Variants in KIT observed in about 807,000 individuals in gnomAD.
The protein encoded by KIT is mast/stem cell growth factor receptor Kit.
In KIT, 16 loss-of-function variants were observed where a neutral mutation model predicts 105.7. That is an observed-to-expected ratio of 0.15 (90% CI 0.10 to 0.23). The LOEUF is 0.23. Among genes scored for constraint, KIT ranks in the 10% least tolerant of loss-of-function variants. The probability of loss-of-function intolerance (pLI) is 1.00; values close to 1 mark genes in which losing one functional copy is unlikely to be tolerated. For synonymous variants in KIT, 438 were observed against 441.1 expected, an observed-to-expected ratio of 0.99 and a Z score of 0.09; for missense variants, 858 against 1,213.8, an observed-to-expected ratio of 0.71 and a Z score of 4.36.
rs780434119 is a variant in KIT, at chr4:54,698,519, G to C, written c.573G>C (p.Glu191Asp). ...RLCLHCSVDQ[E>D]GKSVLSEKFI... ...GTCTGCATTGTTCTGTGGACCAGGAGGGCAAGTCAGTGCTGTCGGAAAAAT... is the reference window on the plus strand; with the variant it reads ...GTCTGCATTGTTCTGTGGACCAGGACGGCAAGTCAGTGCTGTCGGAAAAAT... Residue 191 changes from glutamate to aspartate, a missense_variant, in exon 3 of 21, where the codon GAG (glutamate) becomes GAC (aspartate). By Grantham distance (45) the Glu-to-Asp change is conservative (BLOSUM62 2). This residue lies in a region of KIT where 401 missense variants were observed against 601.0 expected (regional missense o/e 0.67). Transcript: ENST00000288135. 3 of 1,614,188 alleles carry C rather than the reference G, an allele frequency of 1.9e-6. No individual in the cohort carries two copies. The South Asian group carries it at 3.3e-5, about 18-fold the overall frequency.
Position 54,723,601 on chromosome 4 carries a change from A to T in KIT, c.1249A>T (p.Thr417Ser), listed in dbSNP as rs2109760447. ...TCCTGTAGCAAAACCAGAAATCCTG[A>T]CTTACGACAGGCTCGTGAATGGCAT... ...VYVNTKPEILTYDRLVNGMLQ... is the reference protein window; with the variant it reads ...VYVNTKPEILSYDRLVNGMLQ... The change falls in exon 8 of 21, where the codon ACT becomes TCT. Residue 417 changes from threonine to serine, a missense_variant. Thr to Ser is a moderately conservative substitution (Grantham distance 58). This residue lies in a region of KIT where 401 missense variants were observed against 601.0 expected (regional missense o/e 0.67). Coordinates refer to ENST00000288135, the MANE Select transcript of KIT (RefSeq NM_000222.3). 4 of 1,613,820 alleles carry T rather than the reference A, an allele frequency of 2.5e-6. No individual in the cohort carries two copies. The highest frequency in any genetic ancestry group is 3.4e-6 in the Non-Finnish European group (4 of 1,179,714).
rs1229732670 is a variant in KIT at position 54,740,688 on chromosome 4, T to G, written c.*2131T>G. ...CCAATTGTTGACAGTTCTGAAGAAT[T>G]CTAATAAAATGTACATATATAAATC... On this transcript the variant is annotated 3_prime_UTR_variant, in exon 21 of 21. Transcript: ENST00000288135. 3 of 231,052 alleles carry G rather than the reference T, an allele frequency of 1.3e-5. No homozygotes were observed. Among genetic ancestry groups the G allele is most frequent in the Non-Finnish European group, 1.7e-5 (2 of 116,536 alleles). 14.3% of individuals were successfully genotyped at this position (231,052 alleles called of 1,614,324 possible).
chr4:54,725,869 T>G lies in KIT; in HGVS notation c.1359T>G (p.Ser453=), dbSNP rs769828541. Residue 453 remains serine, a synonymous_variant, in exon 9 of 21, where the codon TCT becomes TCG. Transcript: ENST00000288135. ...TTCTTCCCTTTAGATGCTCTGCTTC[T>G]GTACTGCCAGTGGATGTGCAGACAC... ...CPGTEQRCSA[S]VLPVDVQTLN... The G allele has an allele frequency of 9.9e-6, 16 of 1,614,060 alleles. No homozygotes were observed. The Admixed American group carries it at 2.7e-4, about 27-fold the overall frequency.
At chr4:54,713,462 A>G (rs1721282874) in intron 7 of KIT, among the ~76,000 whole-genome samples, 1 of 152,184 alleles carries the variant, frequency 6.6e-6, no homozygotes, top group South Asian at 2.1e-4. Flanking sequence ...ATGTAGGTGT[A>G]CTGTATGGTT....
Position 54,727,817 on chromosome 4 carries a change from C to T in KIT, c.1775-6C>T, listed in dbSNP as rs2109779177. 6.2e-7 allele frequency: 1 copy of T among 1,611,076 alleles called. No individual in the cohort carries two copies. Among genetic ancestry groups the T allele is most frequent in the African/African-American group, 1.3e-5 (1 of 74,964 alleles). ...ACCACTTACCTTGTTGTCTTCCTTC[C>T]TACAGGGAAAACCCTGGGTGCTGGA... On this transcript the variant is annotated splice_region_variant and splice_polypyrimidine_tract_variant and intron_variant, in intron 11 of 20. Transcript: ENST00000288135.
intron 1 of KIT, among the ~76,000 whole-genome samples, chr4:54,672,070 A>G (rs141578971): frequency 1.3e-4 from 20 of 152,294 alleles, no homozygotes; most frequent in African/African-American, 4.1e-4. Context: ...ATACATAAAA[A>G]TATAAACAAA....
chr4:54,695,969 G>A, intron 2 of KIT, 188 bp downstream of exon 2: 1 of 665,444 alleles, frequency 1.5e-6, no homozygotes, highest in Non-Finnish European at 2.6e-6. Flanking sequence ...TTTGGGTATG[G>A]CCCCAGCTGG....
intron 1 of KIT, among the ~76,000 whole-genome samples, chr4:54,672,227 A>C (rs1718162693): frequency 6.6e-6 from 1 of 151,972 alleles, no homozygotes; most frequent in African/African-American, 2.4e-5. Context: ...TTCTGATTGC[A>C]TTCCTTGGTC....
intron 14 of KIT, 67 bp from the exon 15 acceptor site, chr4:54,731,261 C>T: frequency 2.9e-6 from 3 of 1,032,896 alleles, no homozygotes; most frequent in Non-Finnish European, 4.6e-6. Context: ...GGAGGTAGAG[C>T]ATGACCCATG....
At chr4:54,726,491 A>G (rs1037569715) in intron 9 of KIT, among the ~76,000 whole-genome samples, 6 of 152,236 alleles carry the variant, frequency 3.9e-5, no homozygotes, top group Admixed American at 3.9e-4. Flanking sequence ...CATGTTAGCA[A>G]GTTATTTCTT....
intron 1 of KIT, among the ~76,000 whole-genome samples, chr4:54,668,636 G>T (rs927838943): frequency 3.9e-5 from 6 of 152,212 alleles, no homozygotes; most frequent in African/African-American, 1.4e-4. Context: ...TATTGGAAAA[G>T]AAGTATTTCT....
intron 1 of KIT, among the ~76,000 whole-genome samples, chr4:54,670,454 A>T (rs1214176915): frequency 1.3e-5 from 2 of 152,298 alleles, no homozygotes; most frequent in East Asian, 3.9e-4. Flanking sequence ...AAGTCCTGTG[A>T]AATTGGGGGA....
rs2109820757 is a variant in KIT, at chr4:54,738,752, T to G, written c.*195T>G. The G allele has an allele frequency of 4.4e-6, 3 of 686,266 alleles. No individual in the cohort carries two copies. The South Asian group carries it at 5.0e-5, about 11-fold the overall frequency. The allele number at this position is 686,266 out of a possible 1,614,324, so 42.5% of individuals were successfully genotyped here. ...ACCATCCTATTGCAAAGGTTCCAACTGTATATATTCCCAATAGCAACGTAG... is the reference window on the plus strand; with the variant it reads ...ACCATCCTATTGCAAAGGTTCCAACGGTATATATTCCCAATAGCAACGTAG... On this transcript the variant is annotated 3_prime_UTR_variant, in exon 21 of 21. Coordinates refer to ENST00000288135, the MANE Select transcript of KIT (RefSeq NM_000222.3).
intron 7 of KIT, among the ~76,000 whole-genome samples, chr4:54,718,122 A>G (rs1441680458): frequency 6.6e-6 from 1 of 152,146 alleles, no homozygotes; most frequent in Non-Finnish European, 1.5e-5. Flanking sequence ...TGCTTTTGAG[A>G]CAGAGTCTTG....
At chr4:54,705,792 GGA>G (rs1720750020) in intron 5 of KIT, among the ~76,000 whole-genome samples, 1 of 152,108 alleles carries the variant, frequency 6.6e-6, no homozygotes, top group African/African-American at 2.4e-5. Context: ...TGAGGCAGGA[GGA>G]TTGCTTGAGC....
chr4:54,658,639 G>A (rs1716998061), intron 1 of KIT, among the ~76,000 whole-genome samples: 1 of 152,262 alleles, frequency 6.6e-6, no homozygotes, highest in Admixed American at 6.5e-5. Context: ...GGACCGACCC[G>A]CTGCCGCCTC....
chr4:54,731,992 C>T lies in KIT; in HGVS notation c.2355C>T (p.Ser785=), dbSNP rs889291047. Residue 785 remains serine, a synonymous_variant, in exon 16 of 21, where the codon TCC becomes TCT. Transcript: ENST00000288135. The part of the protein sequence containing the change: ...QVAKGMAFLA[S]KNCIHRDLAA... ...CAAAGGGCATGGCTTTCCTCGCCTC[C>T]AAGAATGTAAGTGGGAGTGATTCTC... The T allele has an allele frequency of 1.9e-6, 3 of 1,612,068 alleles. No homozygotes were observed. The African/African-American group carries it at 4.0e-5, about 22-fold the overall frequency.
intron 1 of KIT, among the ~76,000 whole-genome samples, chr4:54,690,060 G>T (rs867511590): frequency 0.012 from 1,467 of 121,760 alleles, 39 homozygotes; most frequent in African/African-American, 0.044. Context: ...TTTTTTTGTG[G>T]GGGGGGGGGG....
chr4:54,668,811 CTG>C (rs2109560701), intron 1 of KIT, among the ~76,000 whole-genome samples: 1 of 152,202 alleles, frequency 6.6e-6, no homozygotes, highest in East Asian at 1.9e-4. Context: ...CTTGGAAAGA[CTG>C]AAGTAAAGAT....
Sources: gnomAD v4.1 joint callset for allele counts (sites outside exome capture counted in the v4.1 genomes callset) on GRCh38, gnomAD v4.1.1 for gene constraint, gnomAD v4.1.1 regional missense constraint, MANE v1.5 for transcripts, NCBI Gene and HGNC (gene_info 2026-07-23, HGNC 2026-07-21) for gene names.